NTRK2: variants seen among roughly 807,000 people sequenced by gnomAD.
The protein encoded by NTRK2 is neurotrophic receptor tyrosine kinase 2.
A neutral mutation model predicts 94.5 loss-of-function variants in NTRK2; 13 were observed. The ratio of observed to expected loss-of-function variants is 0.14; its 90% CI spans 0.09 to 0.22. The LOEUF (loss-of-function observed/expected upper bound fraction) is 0.22. Among genes scored for constraint, NTRK2 ranks in the 10% least tolerant of loss-of-function variants. NTRK2 has a pLI of 1.00. For synonymous variants in NTRK2, 372 were observed against 407.4 expected, an observed-to-expected ratio of 0.91 and a Z score of 1.05; for missense variants, 639 against 1,071.2, an observed-to-expected ratio of 0.60 and a Z score of 5.63.
chr9:84,730,783 CAAA>C, intron 9 of NTRK2, among the ~76,000 whole-genome samples: 267 of 24,062 alleles, frequency 0.011, 2 homozygotes, highest in African/African-American at 0.036. Context: ...AAACAAATAG[CAAA>C]AAAAAAAAAA....
At chr9:85,007,274 G>A (rs1464512105) in intron 17 of NTRK2, among the ~76,000 whole-genome samples, 4 of 152,226 alleles carry the variant, frequency 2.6e-5, no homozygotes, top group African/African-American at 4.8e-5. Flanking sequence ...AGAGCAGCAC[G>A]TTTGAGGGAC....
chr9:84,923,568 A>T (rs1401908082), intron 14 of NTRK2, among the ~76,000 whole-genome samples: 5 of 152,220 alleles, frequency 3.3e-5, no homozygotes, highest in African/African-American at 9.6e-5. Context: ...CCATGGGAAC[A>T]TTCTTTCAGA....
At chr9:84,950,934 C>G (rs1051706540) in intron 16 of NTRK2, among the ~76,000 whole-genome samples, 1 of 152,176 alleles carries the variant, frequency 6.6e-6, no homozygotes, top group Non-Finnish European at 1.5e-5. Context: ...CTGTCTGCCT[C>G]TCATTTCCAT....
intron 2 of NTRK2, among the ~76,000 whole-genome samples, chr9:84,688,346 C>T (rs558193784): frequency 6.2e-4 from 95 of 152,276 alleles, no homozygotes; most frequent in African/African-American, 1.9e-3. Context: ...TGTGCTATGA[C>T]GATGATGCTC....
At chr9:84,993,831 G>A (rs945473370) in intron 17 of NTRK2, among the ~76,000 whole-genome samples, 1 of 152,070 alleles carries the variant, frequency 6.6e-6, no homozygotes, top group African/African-American at 2.4e-5. Flanking sequence ...TGCACATGCT[G>A]CACTCTCTAC....
chr9:84,669,550 C>T (rs1318230450), upstream of NTRK2: 7 of 153,050 alleles, frequency 4.6e-5, no homozygotes, highest in African/African-American at 1.7e-4. The surrounding 1 kb of genome is among the most constrained non-coding windows in gnomAD (Gnocchi z 4.1). Context: ...CTGTCTGCTT[C>T]TGGCCAGTGG....
intron 17 of NTRK2, among the ~76,000 whole-genome samples, chr9:84,986,777 G>A (rs915014406): frequency 2.6e-5 from 4 of 152,228 alleles, no homozygotes; most frequent in Non-Finnish European, 5.9e-5. Flanking sequence ...GACAGAGCAG[G>A]AGACAGAAGG....
At chr9:84,911,964 A>G (rs1225691787) in intron 14 of NTRK2, among the ~76,000 whole-genome samples, 1 of 152,086 alleles carries the variant, frequency 6.6e-6, no homozygotes, top group African/African-American at 2.4e-5. Flanking sequence ...CATTTAGCTC[A>G]ATGCAATTTT....
At chr9:84,722,471 T>C (rs1265101253) in intron 6 of NTRK2, among the ~76,000 whole-genome samples, 4 of 152,140 alleles carry the variant, frequency 2.6e-5, no homozygotes, top group Non-Finnish European at 5.9e-5. Flanking sequence ...TTAATTGCAA[T>C]TTAACGGCTG....
chr9:84,801,368 A>G (rs2070429405), intron 12 of NTRK2, among the ~76,000 whole-genome samples: 1 of 152,242 alleles, frequency 6.6e-6, no homozygotes, highest in African/African-American at 2.4e-5. Context: ...GAATGACTGT[A>G]CTTTTTAAAA....
chr9:84,937,485 T>A (rs1325520480), intron 15 of NTRK2, among the ~76,000 whole-genome samples: 3 of 152,150 alleles, frequency 2.0e-5, no homozygotes, highest in African/African-American at 7.2e-5. Context: ...TAGGAAGAGA[T>A]TTAGGGTGGA....
rs148068530 is a variant in NTRK2, at chr9:84,862,284, G to T, written c.1444+1197G>T. On this transcript the variant is annotated intron_variant, in intron 13 of 18. Transcript: ENST00000277120. ...GCCAAGATATCAGAGGGATGATCCT[G>T]CCTGGGCAGTCTTAAAGGTGTTCTG... is the stretch of plus-strand genomic sequence containing the variant. Among the ~76,000 whole-genome samples the T allele has an allele frequency of 1.9e-3, 295 of 152,288 alleles. 10 individuals are homozygous for T. In the East Asian group the frequency reaches 0.046, roughly 24 times the overall value.
At chr9:84,787,276 C>T (rs776255406) in intron 12 of NTRK2, among the ~76,000 whole-genome samples, 7 of 151,858 alleles carry the variant, frequency 4.6e-5, no homozygotes, top group Non-Finnish European at 8.8e-5. Context: ...CCAGCCTGGG[C>T]GACAAGAGGA....
intron 14 of NTRK2, among the ~76,000 whole-genome samples, chr9:84,892,162 G>T (rs548755243): frequency 2.0e-5 from 3 of 152,136 alleles, no homozygotes; most frequent in Non-Finnish European, 4.4e-5. Flanking sequence ...TTATCCAAAA[G>T]ACATTTTTCT....
chr9:84,864,736 C>CTTTTT (rs71369154), intron 13 of NTRK2, among the ~76,000 whole-genome samples: 23 of 104,594 alleles, frequency 2.2e-4, no homozygotes, highest in Middle Eastern at 7.2e-3. Flanking sequence ...TCTTAATTTT[C>CTTTTT]TTTTTTTTTT....
intron 6 of NTRK2, among the ~76,000 whole-genome samples, chr9:84,721,139 G>T (rs1352295183): frequency 1.3e-5 from 2 of 151,710 alleles, no homozygotes; most frequent in African/African-American, 4.8e-5. Flanking sequence ...GATGGTTCTG[G>T]TGTTAGTAAG....
intron 12 of NTRK2, among the ~76,000 whole-genome samples, chr9:84,818,992 G>A (rs961116803): frequency 1.3e-5 from 2 of 152,188 alleles, no homozygotes; most frequent in African/African-American, 4.8e-5. Context: ...AGACTGCTGA[G>A]GGCACATGCT....
At chr9:84,996,518 T>G (rs1456679384) in intron 17 of NTRK2, among the ~76,000 whole-genome samples, 1 of 152,156 alleles carries the variant, frequency 6.6e-6, no homozygotes. Flanking sequence ...ATCACACACG[T>G]GGAGGAGAAA....
At chr9:84,718,176 A>C (rs752785844) in intron 6 of NTRK2, among the ~76,000 whole-genome samples, 1 of 152,122 alleles carries the variant, frequency 6.6e-6, no homozygotes, top group African/African-American at 2.4e-5. Context: ...ACTCAGGTCC[A>C]TATCAGATTT....
Sources: gnomAD v4.1 joint callset for allele counts (sites outside exome capture counted in the v4.1 genomes callset) on GRCh38, gnomAD v4.1.1 for gene constraint, Gnocchi (gnomAD v3.1) non-coding constraint, MANE v1.5 for transcripts, NCBI Gene and HGNC (gene_info 2026-07-23, HGNC 2026-07-21) for gene names.